The following RAB38 variants were observed in gnomAD, a reference collection of about 807,000 sequenced individuals.
RAB38 encodes RAB38, member RAS oncogene family.
A neutral mutation model predicts 18.4 loss-of-function variants in RAB38; 15 were observed. The observed-to-expected ratio is 0.82, with a 90% CI of 0.55 to 1.26. The LOEUF is 1.26. Among genes scored for constraint, RAB38 ranks in the 50% most tolerant of loss-of-function variants. The pLI, the probability that RAB38 is intolerant of heterozygous loss-of-function variation, is 0.00. For missense variants in RAB38, 294 were observed against 267.4 expected (o/e 1.10, Z -0.69); for synonymous variants, 101 against 104.4 (o/e 0.97, Z 0.20).
At chr11:88,083,207 C>A in the RAB38 span, among the ~76,000 whole-genome samples, 23 of 151,676 alleles carry the variant, frequency 1.5e-4, no homozygotes, top group South Asian at 4.0e-3. Flanking sequence ...AAAATTGCAC[C>A]CCTCATCCTA....
the RAB38 span, among the ~76,000 whole-genome samples, chr11:87,822,328 A>G: frequency 2.6e-5 from 4 of 152,244 alleles, no homozygotes; most frequent in Non-Finnish European, 5.9e-5. Context: ...TGTATTAGAT[A>G]ATGATTGCTA....
At chr11:87,971,228 T>C in the RAB38 span, among the ~76,000 whole-genome samples, 2 of 152,082 alleles carry the variant, frequency 1.3e-5, no homozygotes, top group Non-Finnish European at 2.9e-5. Context: ...ACAGTGGATT[T>C]AATTGGCTAT....
chr11:88,070,430 C>T, the RAB38 span, among the ~76,000 whole-genome samples: 20 of 152,316 alleles, frequency 1.3e-4, 1 homozygote, highest in Middle Eastern at 3.4e-3. Context: ...CGAGGGTCCG[C>T]GGCTTCATTC....
the RAB38 span, among the ~76,000 whole-genome samples, chr11:88,105,723 T>C: frequency 6.6e-6 from 1 of 152,156 alleles, no homozygotes; most frequent in Non-Finnish European, 1.5e-5. Flanking sequence ...TAGTTCAGCT[T>C]GGATCACAAG....
At chr11:88,013,099 A>C in the RAB38 span, among the ~76,000 whole-genome samples, 2,405 of 152,278 alleles carry the variant, frequency 0.016, 30 homozygotes, top group Middle Eastern at 0.061. Flanking sequence ...AGGGATAGTA[A>C]TACATTAAAG....
chr11:88,011,983 A>G, the RAB38 span, among the ~76,000 whole-genome samples: 1 of 151,926 alleles, frequency 6.6e-6, no homozygotes, highest in African/African-American at 2.4e-5. Context: ...GGGCACACTC[A>G]CTCTCTCTAT....
At chr11:87,896,285 C>T in the RAB38 span, among the ~76,000 whole-genome samples, 1 of 151,652 alleles carries the variant, frequency 6.6e-6, no homozygotes, top group Non-Finnish European at 1.5e-5. Context: ...TTCAACCCTT[C>T]CCCAGCCATC....
the RAB38 span, among the ~76,000 whole-genome samples, chr11:87,873,922 GTA>G: frequency 0.089 from 9,196 of 103,050 alleles, 561 homozygotes; most frequent in African/African-American, 0.18. Flanking sequence ...GTGTGTGTGT[GTA>G]TATATATATA....
chr11:88,080,250 C>A, the RAB38 span, among the ~76,000 whole-genome samples: 1 of 151,530 alleles, frequency 6.6e-6, no homozygotes, highest in African/African-American at 2.4e-5. Context: ...ATTATTCATT[C>A]GCTAGCTACA....
the RAB38 span, among the ~76,000 whole-genome samples, chr11:87,973,396 T>C: frequency 1.3e-5 from 2 of 152,054 alleles, no homozygotes; most frequent in Non-Finnish European, 2.9e-5. Context: ...ACACAACACA[T>C]GAAGCAGTTG....
At chr11:88,065,277 T>A in the RAB38 span, among the ~76,000 whole-genome samples, 1 of 152,232 alleles carries the variant, frequency 6.6e-6, no homozygotes, top group Admixed American at 6.5e-5. Flanking sequence ...TATTTATAAT[T>A]CTTTGATCAT....
chr11:87,959,319 G>A, the RAB38 span, among the ~76,000 whole-genome samples: 1 of 152,110 alleles, frequency 6.6e-6, no homozygotes, highest in Non-Finnish European at 1.5e-5. Context: ...AGTAAGCTAA[G>A]ACTATTACCT....
chr11:87,950,952 G>A, the RAB38 span, among the ~76,000 whole-genome samples: 1 of 152,174 alleles, frequency 6.6e-6, no homozygotes, highest in Non-Finnish European at 1.5e-5. Context: ...GATTGGGGAA[G>A]TTCTCCTGGA....
At chr11:88,121,919 C>A (rs1474713370) in intron 2 of RAB38, among the ~76,000 whole-genome samples, 3 of 152,144 alleles carry the variant, frequency 2.0e-5, no homozygotes, top group Admixed American at 6.5e-5. Context: ...GAATGAGGAC[C>A]CATGTTTTCT....
At chr11:87,844,755 T>A in the RAB38 span, among the ~76,000 whole-genome samples, 1 of 152,128 alleles carries the variant, frequency 6.6e-6, no homozygotes, top group Non-Finnish European at 1.5e-5. Flanking sequence ...GACTTGTACA[T>A]ATGGGAAAAC....
At chr11:87,832,879 T>G in the RAB38 span, among the ~76,000 whole-genome samples, 32 of 150,354 alleles carry the variant, frequency 2.1e-4, no homozygotes, top group Non-Finnish European at 2.1e-4. Flanking sequence ...TTCCAGAGAT[T>G]AGAACATCTC....
the RAB38 span, among the ~76,000 whole-genome samples, chr11:87,912,693 A>G: frequency 7.0e-6 from 1 of 143,676 alleles, no homozygotes; most frequent in Non-Finnish European, 1.5e-5. Flanking sequence ...TTTGTTTTCT[A>G]TTTAATTGAT....
the RAB38 span, among the ~76,000 whole-genome samples, chr11:88,071,199 C>T: frequency 6.6e-6 from 1 of 151,640 alleles, no homozygotes; most frequent in Admixed American, 6.6e-5. Context: ...CTTTCCAGGA[C>T]ACTTCTCTCA....
downstream of RAB38, among the ~76,000 whole-genome samples, chr11:88,108,876 T>C (rs1354000049): frequency 6.6e-6 from 1 of 152,218 alleles, no homozygotes; most frequent in Non-Finnish European, 1.5e-5. Context: ...TAAAGGATTT[T>C]ATTTCTCCTT....
Sources: allele counts gnomAD v4.1 joint callset (sites outside exome capture counted in the v4.1 genomes callset), GRCh38; gene constraint gnomAD v4.1.1; transcripts MANE v1.5; gene names NCBI Gene and HGNC (gene_info 2026-07-23, HGNC 2026-07-21).